ATXN8OS: variants seen among roughly 807,000 people sequenced by gnomAD.
ATXN8OS encodes ATXN8 opposite strand lncRNA, also known as ATXN8 opposite strand (non-protein coding).
intron 2 of ATXN8OS, among the ~76,000 whole-genome samples, chr13:70,128,444 T>C (rs1888475999): frequency 6.6e-6 from 1 of 152,082 alleles, no homozygotes. Flanking sequence ...GCTGAACCCG[T>C]AGTTGTACTA....
exon 5 of ATXN8OS, among the ~76,000 whole-genome samples, chr13:70,171,273 CT>C (rs1474056161): frequency 6.6e-6 from 1 of 152,098 alleles, no homozygotes; most frequent in Non-Finnish European, 1.5e-5. Context: ...AGATTACAGT[CT>C]ATTTACACAT....
chr13:70,170,814 T>C (rs2137510532), exon 5 of ATXN8OS, among the ~76,000 whole-genome samples: 1 of 152,176 alleles, frequency 6.6e-6, no homozygotes, highest in East Asian at 1.9e-4. Context: ...AGAATCTACT[T>C]ACAAGTAATA....
chr13:70,163,922 T>C (rs1045471739), intron 4 of ATXN8OS, among the ~76,000 whole-genome samples: 2 of 151,274 alleles, frequency 1.3e-5, no homozygotes, highest in Admixed American at 6.6e-5. Context: ...AGAATAAATA[T>C]ATGACAGATT....
chr13:70,161,932 G>A (rs2479949), intron 4 of ATXN8OS, among the ~76,000 whole-genome samples: 5 of 151,932 alleles, frequency 3.3e-5, no homozygotes, highest in Middle Eastern at 3.4e-3. Context: ...TGGAAGACAA[G>A]GTAATACAGA....
intron 3 of ATXN8OS, among the ~76,000 whole-genome samples, chr13:70,138,493 CATT>C (rs966739281): frequency 6.6e-5 from 10 of 152,050 alleles, no homozygotes; most frequent in East Asian, 1.9e-4. Flanking sequence ...AAACCTATCT[CATT>C]ATATTTATTC....
intron 3 of ATXN8OS, among the ~76,000 whole-genome samples, chr13:70,145,779 C>A (rs905133132): frequency 6.6e-6 from 1 of 152,176 alleles, no homozygotes; most frequent in South Asian, 2.1e-4. Flanking sequence ...TCTAGATATA[C>A]AATCATGTCA....
At chr13:70,120,851 C>T (rs1327731178) in intron 2 of ATXN8OS, among the ~76,000 whole-genome samples, 2 of 141,688 alleles carry the variant, frequency 1.4e-5, no homozygotes, top group East Asian at 2.1e-4. Flanking sequence ...TGTTCTCACT[C>T]ATAGGTGGGA....
chr13:70,167,624 A>G (rs1179212256), intron 4 of ATXN8OS, among the ~76,000 whole-genome samples: 2 of 149,382 alleles, frequency 1.3e-5, no homozygotes, highest in Non-Finnish European at 3.0e-5. Context: ...ACTAACCTGC[A>G]CGTTGTGCAC....
chr13:70,116,518 C>T (rs1048630071), intron 2 of ATXN8OS, among the ~76,000 whole-genome samples: 42 of 152,182 alleles, frequency 2.8e-4, no homozygotes, highest in African/African-American at 9.9e-4. Context: ...GTACTAGAAG[C>T]GAGTGAGCAG....
At chr13:70,151,888 T>C (rs1888872769) in intron 4 of ATXN8OS, among the ~76,000 whole-genome samples, 1 of 152,072 alleles carries the variant, frequency 6.6e-6, no homozygotes, top group South Asian at 2.1e-4. Flanking sequence ...TGAGATATAT[T>C]ATTGAGGTAA....
chr13:70,171,368 T>C (rs749437192), exon 5 of ATXN8OS, among the ~76,000 whole-genome samples: 2 of 152,144 alleles, frequency 1.3e-5, no homozygotes, highest in Non-Finnish European at 1.5e-5. Context: ...CTTAATTTAA[T>C]AGCACTTAGC....
chr13:70,125,950 A>G (rs1888427454), intron 2 of ATXN8OS, among the ~76,000 whole-genome samples: 1 of 152,092 alleles, frequency 6.6e-6, no homozygotes, highest in Admixed American at 6.6e-5. Context: ...ATGCCTGTTT[A>G]CTTTAGCTAA....
At chr13:70,118,340 C>T (rs1888310611) in intron 2 of ATXN8OS, among the ~76,000 whole-genome samples, 1 of 151,876 alleles carries the variant, frequency 6.6e-6, no homozygotes, top group South Asian at 2.1e-4. Flanking sequence ...ACTAGGAAAA[C>T]TAGAGGTTAT....
intron 2 of ATXN8OS, among the ~76,000 whole-genome samples, chr13:70,120,750 G>T (rs562384266): frequency 1.2e-4 from 18 of 152,204 alleles, no homozygotes; most frequent in African/African-American, 4.3e-4. Flanking sequence ...CATAAAAAAT[G>T]ATGAGTTCAT....
intron 1 of ATXN8OS, among the ~76,000 whole-genome samples, chr13:70,113,319 T>A (rs1444780666): frequency 6.6e-6 from 1 of 152,032 alleles, no homozygotes; most frequent in Admixed American, 6.6e-5. Flanking sequence ...AAATGTAATA[T>A]ACATATACAT....
At chr13:70,150,215 A>T (rs1566613388) in intron 4 of ATXN8OS, among the ~76,000 whole-genome samples, 1 of 152,112 alleles carries the variant, frequency 6.6e-6, no homozygotes, top group East Asian at 1.9e-4. Flanking sequence ...TGAGTGAGGA[A>T]GTGACAGAGA....
chr13:70,117,770 T>C lies in ATXN8OS; in HGVS notation n.398+2472T>C, dbSNP rs562725679. 7.4e-4 allele frequency among the ~76,000 whole-genome samples: 112 copies of C among 152,192 alleles called. 1 individual carries two copies. The highest frequency in any genetic ancestry group is 1.8e-3 in the Admixed American group (27 of 15,266). ...AATAAAATAAAACCTGTTAAACAAG[T>C]AGCACATTGTTGGTGTCTAAGTAAA... On this transcript the variant is annotated intron_variant and non_coding_transcript_variant, in intron 2 of 4. Transcript: ENST00000678624.
chr13:70,146,190 A>G (rs1208153031), intron 3 of ATXN8OS, among the ~76,000 whole-genome samples: 1 of 150,490 alleles, frequency 6.6e-6, no homozygotes, highest in Non-Finnish European at 1.5e-5. Context: ...CCATCAGAGA[A>G]ATGCAAATCA....
intron 2 of ATXN8OS, among the ~76,000 whole-genome samples, chr13:70,124,813 G>T (rs77210608): frequency 6.6e-6 from 1 of 151,708 alleles, no homozygotes. Flanking sequence ...GTCTAGCTTT[G>T]AAATACAGAT....
Sources: allele counts gnomAD v4.1 joint callset (sites outside exome capture counted in the v4.1 genomes callset), GRCh38; gene constraint gnomAD v4.1.1; transcripts MANE v1.5; gene names NCBI Gene and HGNC (gene_info 2026-07-23, HGNC 2026-07-21).